The following EXT2 variants were observed in gnomAD, a reference collection of about 807,000 sequenced individuals.
The protein encoded by EXT2 is exostosin glycosyltransferase 2, also known as exostosin-2.
Under a neutral mutation model 81.6 loss-of-function variants are expected in EXT2, and 53 were observed. The observed-to-expected ratio is 0.65, with a 90% CI of 0.52 to 0.82. The LOEUF (loss-of-function observed/expected upper bound fraction) is 0.82, where lower values mean the gene tolerates loss of function less well. EXT2 is among the 40% of genes least tolerant of loss of function. The pLI, the probability that EXT2 is intolerant of heterozygous loss-of-function variation, is 0.00. For missense variants in EXT2, 774 were observed against 910.2 expected (o/e 0.85, Z 1.93); for synonymous variants, 320 against 340.0 (o/e 0.94, Z 0.65).
chr11:44,195,018 A>G (rs1376008924), intron 8 of EXT2, among the ~76,000 whole-genome samples: 3 of 152,212 alleles, frequency 2.0e-5, no homozygotes, highest in East Asian at 3.9e-4. Flanking sequence ...AGAAAACTCA[A>G]AAAGGTTTCT....
At chr11:44,212,009 G>A (rs1398843390) in intron 10 of EXT2, among the ~76,000 whole-genome samples, 2 of 152,106 alleles carry the variant, frequency 1.3e-5, no homozygotes, top group Admixed American at 6.6e-5. Context: ...GTATAGGCTG[G>A]GCGCAGTGGC....
intron 1 of EXT2, chr11:44,096,439 T>C: frequency 7.5e-6 from 8 of 1,062,620 alleles, no homozygotes; most frequent in African/African-American, 1.6e-5. Context: ...GGGGACTGGG[T>C]GGCCGGGGTC....
chr11:44,247,319 G>C lies in EXT2; in HGVS notation c.*3032G>C, dbSNP rs1035999988. ...TGGAGTGCAACAATAGCATGGTCTC[G>C]GCTCACTACATCCTCCGCCTCCCAG... On this transcript the variant is annotated 3_prime_UTR_variant, in exon 14 of 14. Coordinates refer to ENST00000533608, the MANE Select transcript of EXT2 (RefSeq NM_207122.2). 7.2e-6 allele frequency among the ~76,000 whole-genome samples: 1 copy of C among 138,330 alleles called. No individual in the cohort carries two copies. The highest frequency in any genetic ancestry group is 2.3e-4 in the South Asian group (1 of 4,418). 90.7% of individuals were successfully genotyped at this position (138,330 alleles called of 152,430 possible). A position where few individuals can be genotyped will look rare whatever the true frequency, so the allele number is the denominator to read the frequency against.
chr11:44,121,235 A>C (rs1954311969), intron 4 of EXT2, among the ~76,000 whole-genome samples: 1 of 152,234 alleles, frequency 6.6e-6, no homozygotes, highest in South Asian at 2.1e-4. Context: ...GCGGGGATCC[A>C]GTGATCCTGG....
intron 10 of EXT2, among the ~76,000 whole-genome samples, chr11:44,211,000 A>T (rs572457447): frequency 4.5e-4 from 68 of 152,344 alleles, no homozygotes; most frequent in Middle Eastern, 3.4e-3. Context: ...AAGTCAAAGC[A>T]ATTTTTTAAA....
At chr11:44,153,121 T>G (rs1160247277) in intron 7 of EXT2, among the ~76,000 whole-genome samples, 2 of 152,254 alleles carry the variant, frequency 1.3e-5, no homozygotes, top group Non-Finnish European at 2.9e-5. Context: ...AACCGACATC[T>G]TGACAATATT....
At chr11:44,151,795 A>G (rs1187384683) in intron 7 of EXT2, among the ~76,000 whole-genome samples, 1 of 152,206 alleles carries the variant, frequency 6.6e-6, no homozygotes, top group Non-Finnish European at 1.5e-5. Context: ...CTACCAAACT[A>G]TCTTCCAAAG....
At chr11:44,183,005 T>C (rs997491894) in intron 8 of EXT2, among the ~76,000 whole-genome samples, 22 of 152,208 alleles carry the variant, frequency 1.4e-4, no homozygotes, top group African/African-American at 5.3e-4. Context: ...TTTGGGTTTA[T>C]TATTTTGTAA....
intron 8 of EXT2, among the ~76,000 whole-genome samples, chr11:44,190,489 T>C (rs1955377494): frequency 6.6e-6 from 1 of 152,228 alleles, no homozygotes; most frequent in African/African-American, 2.4e-5. Flanking sequence ...CTTCTCATTT[T>C]TCTGTTTAGG....
At chr11:44,168,493 C>T (rs537283065) in intron 7 of EXT2, among the ~76,000 whole-genome samples, 6 of 152,188 alleles carry the variant, frequency 3.9e-5, no homozygotes, top group Middle Eastern at 3.4e-3. Context: ...ATTGAAGAAG[C>T]GCTACAATCC....
At chr11:44,198,294 C>T (rs1205461838) in intron 9 of EXT2, among the ~76,000 whole-genome samples, 2 of 152,076 alleles carry the variant, frequency 1.3e-5, no homozygotes, top group African/African-American at 4.8e-5. Flanking sequence ...CTTCCCTCAG[C>T]CATCTCAGCT....
chr11:44,205,431 A>G (rs1273192273), intron 9 of EXT2, among the ~76,000 whole-genome samples: 1 of 152,222 alleles, frequency 6.6e-6, no homozygotes, highest in African/African-American at 2.4e-5. Context: ...GTTGATATTG[A>G]TGAAAAGGCA....
chr11:44,103,141 T>C (rs1375853915), intron 1 of EXT2, among the ~76,000 whole-genome samples: 1 of 152,188 alleles, frequency 6.6e-6, no homozygotes, highest in African/African-American at 2.4e-5. Context: ...ACATTTAGTT[T>C]TAAGATATAC....
intron 10 of EXT2, among the ~76,000 whole-genome samples, chr11:44,219,170 TGACATATCCTA>T (rs1955754719): frequency 6.6e-6 from 1 of 152,010 alleles, no homozygotes. Context: ...AAAATAGAAA[TGACATATCCTA>T]GAATTAGACT....
chr11:44,114,384 C>A, intron 4 of EXT2, 83 bp downstream of exon 4: 1 of 1,190,896 alleles, frequency 8.4e-7, no homozygotes, highest in Non-Finnish European at 1.3e-6. Context: ...GGCATCAAAG[C>A]AACCAATACA....
chr11:44,126,128 A>G (rs184393651), intron 5 of EXT2, among the ~76,000 whole-genome samples: 52 of 152,150 alleles, frequency 3.4e-4, no homozygotes, highest in African/African-American at 1.2e-3. Flanking sequence ...ATTTTGGTTT[A>G]CCTATTGCAG....
chr11:44,147,758 C>T lies in EXT2; in HGVS notation c.1173+17620C>T, dbSNP rs574611597. Among the ~76,000 whole-genome samples the T allele has an allele frequency of 3.8e-3, 520 of 138,616 alleles. 3 individuals carry two copies. The highest frequency in any genetic ancestry group is 5.9e-3 in the Non-Finnish European group (385 of 65,396). 90.9% of individuals were successfully genotyped at this position (138,616 alleles called of 152,430 possible). On this transcript the variant is annotated intron_variant, in intron 7 of 13. Coordinates refer to ENST00000533608, the MANE Select transcript of EXT2 (RefSeq NM_207122.2). Reference sequence around the variant, plus strand: ...TTTTTTTTAATTGAGCATTTTCCCCCTTGTACTCCACATTGTCTTTTTTTT... The same window carrying T: ...TTTTTTTTAATTGAGCATTTTCCCCTTTGTACTCCACATTGTCTTTTTTTT...
intron 7 of EXT2, among the ~76,000 whole-genome samples, chr11:44,152,217 T>C (rs1382802494): frequency 6.6e-6 from 1 of 152,216 alleles, no homozygotes; most frequent in African/African-American, 2.4e-5. Flanking sequence ...GTGTTTAATA[T>C]TAATGAAGTC....
rs941736087 is a variant in EXT2 at position 44,124,601 on chromosome 11, A to G, written c.744-188A>G. ...ATATTTCAGTGTGTGAATGAATCAT[A>G]TCTTACTTTCTCACAATATATAATA... On this transcript the variant is annotated intron_variant, in intron 4 of 13. Coordinates refer to ENST00000533608, the MANE Select transcript of EXT2 (RefSeq NM_207122.2). 9.6e-4 allele frequency among the ~76,000 whole-genome samples: 146 copies of G among 152,272 alleles called. 1 individual carries two copies. The highest frequency in any genetic ancestry group is 3.3e-3 in the African/African-American group (139 of 41,550).
Sources: gnomAD v4.1 joint callset for allele counts (sites outside exome capture counted in the v4.1 genomes callset) on GRCh38, gnomAD v4.1.1 for gene constraint, MANE v1.5 for transcripts, NCBI Gene and HGNC (gene_info 2026-07-23, HGNC 2026-07-21) for gene names.